FRMD4A: variants seen among roughly 807,000 people sequenced by gnomAD.
FRMD4A encodes FERM domain containing 4A.
A neutral mutation model predicts 129.1 loss-of-function variants in FRMD4A; 29 were observed. The observed-to-expected ratio is 0.22, with a 90% CI of 0.17 to 0.31. FRMD4A has a LOEUF of 0.31. Among genes scored for constraint, FRMD4A ranks in the 10% least tolerant of loss-of-function variants. The pLI is 1.00. For synonymous variants in FRMD4A, 634 were observed against 571.6 expected (o/e 1.11, Z -1.56); for missense variants, 1,272 against 1,375.8 (o/e 0.92, Z 1.19).
intron 2 of FRMD4A, among the ~76,000 whole-genome samples, chr10:14,018,224 A>T (rs929034852): frequency 6.6e-6 from 1 of 151,776 alleles, no homozygotes; most frequent in Non-Finnish European, 1.5e-5. Flanking sequence ...AGGCAGGCAG[A>T]TCAGAAGGTC....
intron 2 of FRMD4A, among the ~76,000 whole-genome samples, chr10:14,242,780 G>T (rs999043080): frequency 6.6e-6 from 1 of 152,196 alleles, no homozygotes; most frequent in Non-Finnish European, 1.5e-5. Context: ...CAAAGAGATT[G>T]CTGGTGAGAG....
At chr10:13,856,157 A>G (rs1462745215) in intron 3 of FRMD4A, among the ~76,000 whole-genome samples, 2 of 150,624 alleles carry the variant, frequency 1.3e-5, no homozygotes, top group South Asian at 4.2e-4. Context: ...GTGTAGATAG[A>G]TTGTGTGTGT....
intron 2 of FRMD4A, among the ~76,000 whole-genome samples, chr10:13,965,247 C>G (rs181956158): frequency 6.6e-6 from 1 of 152,144 alleles, no homozygotes; most frequent in Non-Finnish European, 1.5e-5. Context: ...ACTCGCCCAC[C>G]TTGTTCATGA....
intron 4 of FRMD4A, among the ~76,000 whole-genome samples, chr10:13,803,223 G>T (rs1259497621): frequency 6.6e-6 from 1 of 151,308 alleles, no homozygotes; most frequent in Non-Finnish European, 1.5e-5. Context: ...GAAGGTTAAA[G>T]TAGGGTATAT....
rs539382227 is a variant in FRMD4A at position 14,083,999 on chromosome 10, C to T, written c.46-225087G>A. On this transcript the variant is annotated intron_variant, in intron 2 of 24. Coordinates refer to ENST00000357447, the MANE Select transcript of FRMD4A (RefSeq NM_018027.5). ...GTTATACCAAGAGGAAAATAGTAAA[C>T]GGGCACGTGTTTTAGCCCTTTTAGA... Among the ~76,000 whole-genome samples the T allele has an allele frequency of 1.2e-3, 178 of 152,224 alleles. 1 individual carries two copies. Among genetic ancestry groups the T allele is most frequent in the African/African-American group, 4.1e-3 (170 of 41,538 alleles).
At chr10:13,765,749 G>T (rs903555767) in intron 6 of FRMD4A, among the ~76,000 whole-genome samples, 2 of 152,172 alleles carry the variant, frequency 1.3e-5, no homozygotes, top group African/African-American at 4.8e-5. Flanking sequence ...GGATTAGCAG[G>T]TCCCATCAGA....
chr10:13,992,369 A>G (rs1007943726), intron 2 of FRMD4A, among the ~76,000 whole-genome samples: 2 of 152,166 alleles, frequency 1.3e-5, no homozygotes, highest in African/African-American at 4.8e-5. Flanking sequence ...AACCGGATTC[A>G]TGAGTCTTTA....
chr10:13,874,628 T>C (rs1042340286), intron 2 of FRMD4A, among the ~76,000 whole-genome samples: 5 of 152,228 alleles, frequency 3.3e-5, no homozygotes, highest in African/African-American at 1.2e-4. Flanking sequence ...AGTTAGTAGA[T>C]AATTACAACT....
intron 3 of FRMD4A, among the ~76,000 whole-genome samples, chr10:13,819,270 A>G (rs967287963): frequency 1.3e-5 from 2 of 152,216 alleles, no homozygotes; most frequent in Non-Finnish European, 2.9e-5. Flanking sequence ...CCCTACAAAA[A>G]TATCCATTTC....
intron 2 of FRMD4A, among the ~76,000 whole-genome samples, chr10:14,279,836 A>G (rs892051544): frequency 6.6e-6 from 1 of 152,236 alleles, no homozygotes; most frequent in African/African-American, 2.4e-5. Flanking sequence ...TTACTTATTC[A>G]AAATGACAAG....
chr10:14,178,986 C>A (rs1357403011), intron 2 of FRMD4A, among the ~76,000 whole-genome samples: 1 of 152,144 alleles, frequency 6.6e-6, no homozygotes, highest in African/African-American at 2.4e-5. Flanking sequence ...AGCCACCCTT[C>A]TTTCATATTT....
chr10:13,926,276 T>C (rs1436126265), intron 2 of FRMD4A, among the ~76,000 whole-genome samples: 1 of 152,224 alleles, frequency 6.6e-6, no homozygotes, highest in East Asian at 1.9e-4. Context: ...GAAAATCTCA[T>C]CACTGGGGTT....
At chr10:13,912,309 C>T (rs2094949162) in intron 2 of FRMD4A, among the ~76,000 whole-genome samples, 1 of 152,102 alleles carries the variant, frequency 6.6e-6, no homozygotes, top group African/African-American at 2.4e-5. Flanking sequence ...CTTTGGAAAA[C>T]AGCCTGGCAG....
At chr10:13,651,133 A>G (rs1030192219) in intron 24 of FRMD4A, 3 of 152,218 alleles carry the variant, frequency 2.0e-5, no homozygotes, top group African/African-American at 7.2e-5. Flanking sequence ...AATCTTGTTA[A>G]ATGCACATTA....
At chr10:14,150,212 CAG>C (rs1564341706) in intron 2 of FRMD4A, among the ~76,000 whole-genome samples, 2 of 152,108 alleles carry the variant, frequency 1.3e-5, no homozygotes, top group East Asian at 3.8e-4. Flanking sequence ...GGTGGGGACA[CAG>C]AGGCAAACCA....
intron 2 of FRMD4A, among the ~76,000 whole-genome samples, chr10:14,036,547 T>C (rs1833511194): frequency 6.6e-6 from 1 of 152,214 alleles, no homozygotes; most frequent in Non-Finnish European, 1.5e-5. Context: ...TTCTGGGTGA[T>C]GCTACCCACT....
At chr10:13,702,244 T>G (rs1407938499) in intron 13 of FRMD4A, among the ~76,000 whole-genome samples, 2 of 152,146 alleles carry the variant, frequency 1.3e-5, no homozygotes, top group Non-Finnish European at 2.9e-5. Context: ...GCTACTTTTT[T>G]GTATTTTTAG....
intron 12 of FRMD4A, among the ~76,000 whole-genome samples, chr10:13,727,372 A>G (rs944717375): frequency 6.6e-6 from 1 of 152,068 alleles, no homozygotes; most frequent in East Asian, 1.9e-4. Context: ...ACAGAGAACC[A>G]CCTTGCCCAA....
chr10:14,071,811 T>A (rs1182112091), intron 2 of FRMD4A, among the ~76,000 whole-genome samples: 1 of 151,940 alleles, frequency 6.6e-6, no homozygotes, highest in Non-Finnish European at 1.5e-5. Context: ...TGTAGAAGAA[T>A]TAGACTTGAT....
Sources: allele counts gnomAD v4.1 joint callset (sites outside exome capture counted in the v4.1 genomes callset), GRCh38; gene constraint gnomAD v4.1.1; transcripts MANE v1.5; gene names NCBI Gene and HGNC (gene_info 2026-07-23, HGNC 2026-07-21).